The following ALX3 variants were observed in gnomAD, a reference collection of about 807,000 sequenced individuals.
ALX3 encodes ALX homeobox 3, also known as homeobox protein aristaless-like 3.
ALX3 carries 17 observed loss-of-function variants against 26.3 expected under a neutral mutation model. That is an observed-to-expected ratio of 0.65 (90% CI 0.44 to 0.97). The LOEUF is 0.97. ALX3 is among the 50% of genes least tolerant of loss of function. The pLI is 0.00. For missense variants in ALX3, 461 were observed against 466.5 expected, an observed-to-expected ratio of 0.99 and a Z score of 0.11; for synonymous variants, 208 against 201.4, an observed-to-expected ratio of 1.03 and a Z score of -0.28.
chr1:110,070,274 G>T (rs944009167), intron 1 of ALX3, 62 bp downstream of exon 1: 18 of 1,282,362 alleles, frequency 1.4e-5, no homozygotes, highest in Middle Eastern at 3.1e-4. Context: ...GCCCGGGTGG[G>T]CCCGGGTAAG....
In ALX3 at chr1:110,063,301, C is replaced by T. The variant is rs776911111; in HGVS notation, c.594+1286G>A. Reference sequence around the variant, plus strand: ...CATGGCTTATATCATCTGGGGTTGCCTTGAATGCCGGGCCTCTTGCCCTGA... The same window carrying T: ...CATGGCTTATATCATCTGGGGTTGCTTTGAATGCCGGGCCTCTTGCCCTGA... On this transcript the variant is annotated intron_variant, in intron 2 of 3. Transcript: ENST00000647563. 3.3e-5 allele frequency among the ~76,000 whole-genome samples: 5 copies of T among 152,316 alleles called. 1 individual carries two copies. Among genetic ancestry groups the T allele is most frequent in the Non-Finnish European group, 4.4e-5 (3 of 68,024 alleles).
intron 1 of ALX3, among the ~76,000 whole-genome samples, chr1:110,067,199 C>T (rs1653811347): frequency 6.6e-6 from 1 of 152,184 alleles, no homozygotes; most frequent in East Asian, 1.9e-4. Context: ...AGGCAGAAGC[C>T]AGGAAAGACA....
In ALX3 at chr1:110,060,709, C is replaced by T. The variant is rs751390327; in HGVS notation, c.*24G>A. The T allele has an allele frequency of 1.3e-6, 2 of 1,574,968 alleles. No homozygotes were observed. Among genetic ancestry groups the T allele is most frequent in the East Asian group, 2.3e-5 (1 of 44,360 alleles). ...GGAATGGAAAAAGAGGTGGGCAGCT[C>T]ATTCTGCAGGTCCATGCAACCGATC... On this transcript the variant is annotated 3_prime_UTR_variant, in exon 4 of 4. Transcript: ENST00000647563.
chr1:110,060,415 G>T lies in ALX3; in HGVS notation c.*318C>A. ...ACGATGAGCCAAGTAAGCTGTCTTA[G>T]CTGGAGAGATGACAATGGACTTGGA... On this transcript the variant is annotated 3_prime_UTR_variant, in exon 4 of 4. Coordinates refer to ENST00000647563, the MANE Select transcript of ALX3 (RefSeq NM_006492.3). 4.8e-6 allele frequency: 1 copy of T among 208,056 alleles called. No homozygotes were observed. The highest frequency in any genetic ancestry group is 9.5e-6 in the Non-Finnish European group (1 of 104,874). 12.9% of individuals were successfully genotyped at this position (208,056 alleles called of 1,614,324 possible).
intron 1 of ALX3, among the ~76,000 whole-genome samples, chr1:110,066,840 C>T (rs889621856): frequency 6.6e-6 from 1 of 152,110 alleles, no homozygotes; most frequent in African/African-American, 2.4e-5. Context: ...AAGAAGGGAC[C>T]AGATCTGGGG....
At chr1:110,066,464 C>A (rs530967929) in intron 1 of ALX3, among the ~76,000 whole-genome samples, 1 of 151,922 alleles carries the variant, frequency 6.6e-6, no homozygotes, top group Admixed American at 6.6e-5. Context: ...CAGCACATTT[C>A]AGGTTTAGAG....
At position 110,070,331 on chromosome 1, in the gene ALX3, G is replaced by A; in HGVS notation, c.277+5C>T. On this transcript the variant is annotated splice_donor_5th_base_variant and intron_variant, in intron 1 of 3. Transcript: ENST00000647563. Reference sequence around the variant, plus strand: ...CTGCGCGCTACGCCCCGCGCCGCGCGTTACCTTCCGCGGGGCCCTCGTAGA... The same window carrying A: ...CTGCGCGCTACGCCCCGCGCCGCGCATTACCTTCCGCGGGGCCCTCGTAGA... 1 of 1,292,568 alleles carries A rather than the reference G, an allele frequency of 7.7e-7. No homozygotes were observed. Among genetic ancestry groups the A allele is most frequent in the Non-Finnish European group, 9.8e-7 (1 of 1,019,294 alleles). 80.1% of individuals were successfully genotyped at this position (1,292,568 alleles called of 1,614,324 possible).
intron 2 of ALX3, 117 bp from the exon 3 acceptor site, chr1:110,061,680 G>C: frequency 3.4e-6 from 5 of 1,459,072 alleles, no homozygotes; most frequent in Non-Finnish European, 4.7e-6. Context: ...CTCCAGGATG[G>C]AGGATCTCAA....
chr1:110,066,583 C>CCCG (rs1318975429), intron 1 of ALX3, among the ~76,000 whole-genome samples: 2 of 132,108 alleles, frequency 1.5e-5, no homozygotes, highest in Non-Finnish European at 1.7e-5. Flanking sequence ...CCCCCCCCCC[C>CCCG]GCCCCCGCCA....
At position 110,064,712 on chromosome 1, in the gene ALX3, G is replaced by T; in HGVS notation, c.469C>A (p.Arg157Ser). 1 of 1,614,214 alleles carries T rather than the reference G, an allele frequency of 6.2e-7. No homozygotes were observed. Among genetic ancestry groups the T allele is most frequent in the Non-Finnish European group, 8.5e-7 (1 of 1,180,042 alleles). Residue 157 changes from arginine (R) to serine (S), a missense_variant, in exon 2 of 4, where the codon CGC becomes AGC. Coordinates refer to ENST00000647563, the MANE Select transcript of ALX3 (RefSeq NM_006492.3). ...AKNKSKKRRN[R>S]TTFSTFQLEE... ...AGCTGGAATGTGCTGAAGGTCGTGC[G>T]GTTACGACGCTTCTTGCTCTTGTTC...
Position 110,061,345 on chromosome 1 carries a change from G to T in ALX3, c.723+90C>A, listed in dbSNP as rs114302052. 138 of 1,591,774 alleles carry T rather than the reference G, an allele frequency of 8.7e-5. No homozygotes were observed. In the South Asian group the frequency reaches 1.3e-3, roughly 15 times the overall value. On this transcript the variant is annotated intron_variant, in intron 3 of 3. Transcript: ENST00000647563. The stretch of plus-strand genomic sequence containing the variant: ...TGGTGTACCCACTGTCATACAGAAC[G>T]CTGACGCTCTCCAGGTTTCTTCAGG...
rs145535704 is a variant in ALX3 at position 110,061,455 on chromosome 1, G to C, written c.703C>G (p.Arg235Gly). 6.2e-7 allele frequency: 1 copy of C among 1,614,186 alleles called. No individual in the cohort carries two copies. Among genetic ancestry groups the C allele is most frequent in the Admixed American group, 1.7e-5 (1 of 60,024 alleles). Residue 235 changes from arginine to glycine, a missense_variant, in exon 3 of 4, where the codon CGT becomes GGT. Physicochemically the swap from Arg to Gly is moderately radical, Grantham distance 125 (BLOSUM62 -2). Coordinates refer to ENST00000647563, the MANE Select transcript of ALX3 (RefSeq NM_006492.3). ...TAAYDISVLPRTDSHPQLQNS... is the reference protein window; with the variant it reads ...TAAYDISVLPGTDSHPQLQNS... The stretch of plus-strand genomic sequence containing the variant: ...CTTACCTGAGGGTGGCTGTCAGTAC[G>C]GGGCAGCACAGAGATGTCATAGGCA...
At chr1:110,061,302 G>T (rs1441150044) in intron 3 of ALX3, 133 bp downstream of exon 3, 2 of 1,377,044 alleles carry the variant, frequency 1.5e-6, no homozygotes, top group South Asian at 1.3e-5. Context: ...GCCCCGGTTT[G>T]CAGAGAAAGA....
intron 1 of ALX3, among the ~76,000 whole-genome samples, chr1:110,066,930 C>A (rs958735974): frequency 2.0e-5 from 3 of 152,230 alleles, no homozygotes; most frequent in African/African-American, 7.2e-5. Context: ...CTTCTCAGAG[C>A]AGCTTCCCCA....
chr1:110,060,481 G>A lies in ALX3; in HGVS notation c.*252C>T, dbSNP rs1335073278. 2.1e-5 allele frequency: 7 copies of A among 338,824 alleles called. No individual in the cohort carries two copies. The highest frequency in any genetic ancestry group is 8.8e-5 in the Admixed American group (2 of 22,670). The allele number at this position is 338,824 out of a possible 1,614,324, so 21.0% of individuals were successfully genotyped here. On this transcript the variant is annotated 3_prime_UTR_variant, in exon 4 of 4. Transcript: ENST00000647563. ...GCAGGGCAGTGTCTCCCTGCCTCCA[G>A]CCCAGAGTTCAGGTGAGGGGACTCA...
intron 1 of ALX3, among the ~76,000 whole-genome samples, chr1:110,068,340 G>A (rs1653837314): frequency 1.3e-5 from 2 of 152,210 alleles, no homozygotes; most frequent in Admixed American, 1.3e-4. Context: ...TGCGGCCCTG[G>A]GGGCTGACTG....
At chr1:110,065,145 G>A (rs1019786748) in intron 1 of ALX3, among the ~76,000 whole-genome samples, 3 of 152,196 alleles carry the variant, frequency 2.0e-5, no homozygotes, top group Admixed American at 2.0e-4. Flanking sequence ...GATCTGCTGG[G>A]GCCAGAGTGG....
chr1:110,067,483 C>T (rs933343820), intron 1 of ALX3, among the ~76,000 whole-genome samples: 1 of 152,178 alleles, frequency 6.6e-6, no homozygotes, highest in Admixed American at 6.5e-5. Context: ...GCTCTCTGTC[C>T]CTGACCCAGC....
rs1371658245 is a variant in ALX3 at position 110,070,486 on chromosome 1, G to A, written c.127C>T (p.Pro43Ser). The A allele has an allele frequency of 5.5e-6, 7 of 1,261,512 alleles. No homozygotes were observed. The highest frequency in any genetic ancestry group is 6.0e-6 in the Non-Finnish European group (6 of 1,003,932). 78.1% of individuals were successfully genotyped at this position (1,261,512 alleles called of 1,614,324 possible). The change falls in exon 1 of 4, where the codon CCC (proline) becomes TCC (serine). Residue 43 changes from proline (P) to serine (S), a missense_variant. By Grantham distance (74) the Pro-to-Ser change is moderately conservative. Transcript: ENST00000647563. ...AAGCGGGTCAGCCGCGGGCCGCGGG[G>A]CGGCGCGGGGTGCAGGTGAGGCGCA... Reference protein sequence around the residue: ...AAAPHLHPAPPRGPRLTRFPA... With the variant: ...AAAPHLHPAPSRGPRLTRFPA...
Sources: gnomAD v4.1 joint callset for allele counts (sites outside exome capture counted in the v4.1 genomes callset) on GRCh38, gnomAD v4.1.1 for gene constraint, MANE v1.5 for transcripts, NCBI Gene and HGNC (gene_info 2026-07-23, HGNC 2026-07-21) for gene names.